The following FDX2 variants were observed in gnomAD, a reference collection of about 807,000 sequenced individuals.
The protein encoded by FDX2 is ferredoxin 2.
A neutral mutation model predicts 18.5 loss-of-function variants in FDX2; 13 were observed. The observed-to-expected ratio is 0.70, with a 90% confidence interval of 0.46 to 1.12. FDX2 has a LOEUF of 1.12. Among genes scored for constraint, FDX2 ranks in the 50% most tolerant of loss-of-function variants. The pLI is 0.00. For missense variants in FDX2, 238 were observed against 250.4 expected (o/e 0.95, Z 0.34); for synonymous variants, 132 against 106.2 (o/e 1.24, Z -1.49).
At chr19:10,312,167 GC>G (rs2040331229) in intron 3 of FDX2, among the ~76,000 whole-genome samples, 1 of 145,032 alleles carries the variant, frequency 6.9e-6, no homozygotes, top group African/African-American at 2.5e-5. Flanking sequence ...ACCGCACCTG[GC>G]CATATTTTTT....
At chr19:10,315,683 G>A (rs890904455) in intron 2 of FDX2, 22 bp downstream of exon 2, 7 of 1,545,636 alleles carry the variant, frequency 4.5e-6, no homozygotes, top group Non-Finnish European at 6.1e-6. Flanking sequence ...GAGGAATGGG[G>A]GACTTGGCCC....
At chr19:10,315,831 C>T (rs757229870) in intron 1 of FDX2, 21 bp downstream of exon 1, 13 of 1,597,436 alleles carry the variant, frequency 8.1e-6, no homozygotes, top group African/African-American at 1.3e-5. Context: ...TAACGCTGCC[C>T]GCCCCGGGCG....
intron 3 of FDX2, among the ~76,000 whole-genome samples, chr19:10,315,073 C>G (rs557732855): frequency 6.6e-6 from 1 of 152,048 alleles, no homozygotes; most frequent in African/African-American, 2.4e-5. Flanking sequence ...CCATTGCACT[C>G]CAGCCTGGGC....
rs1201005952 is a variant in FDX2, at chr19:10,310,375, C to A, written c.*111G>T. 3 of 1,416,656 alleles carry A rather than the reference C, an allele frequency of 2.1e-6. No homozygotes were observed. The highest frequency in any genetic ancestry group is 1.4e-5 in the African/African-American group (1 of 70,774). The allele number at this position is 1,416,656 out of a possible 1,614,324, so 87.8% of individuals were successfully genotyped here. On this transcript the variant is annotated 3_prime_UTR_variant, in exon 5 of 5. Transcript: ENST00000393708. The stretch of plus-strand genomic sequence containing the variant: ...GCAGGGGTGTTGTCCTTCACAGGGG[C>A]TTCCACGTCTCTCCCGGGCCTGTCC...
At chr19:10,313,809 C>A (rs1332793625) in intron 3 of FDX2, among the ~76,000 whole-genome samples, 34 of 147,154 alleles carry the variant, frequency 2.3e-4, no homozygotes, top group Non-Finnish European at 3.6e-4. Context: ...CTCAGCCTCC[C>A]GAGTAGCTGG....
At position 10,310,936 on chromosome 19, in the gene FDX2, G is replaced by A; in HGVS notation, c.321C>T (p.Ala107=). 1 of 1,609,952 alleles carries A rather than the reference G, an allele frequency of 6.2e-7. No homozygotes were observed. Among genetic ancestry groups the A allele is most frequent in the South Asian group, 1.1e-5 (1 of 90,690 alleles). Residue 107 remains alanine, a synonymous_variant, in exon 4 of 5, where the codon GCC becomes GCT. Coordinates refer to ENST00000393708, the MANE Select transcript of FDX2 (RefSeq NM_001031734.4). ...TGGAGCAGGCCAGGGAGGCTTCACA[G>A]GCCCCTAGGGGTGGGAAGTGAAGGG...
rs775045233 is a variant in FDX2 at position 10,315,995 on chromosome 19, A to G, written c.11T>C (p.Met4Thr). 9 of 1,602,354 alleles carry G rather than the reference A, an allele frequency of 5.6e-6. No individual in the cohort carries two copies. In the East Asian group the frequency reaches 1.6e-4, roughly 28 times the overall value. ...GCCTCCCCGGGCCATGGAGGCGGCC[A>G]TGACATGCATCACGTGACTCACCGA... The change falls in exon 1 of 5, where the codon ATG becomes ACG. Residue 4 changes from methionine (M) to threonine (T), a missense_variant. By Grantham distance (81) the Met-to-Thr change is moderately conservative (BLOSUM62 -1). Coordinates refer to ENST00000393708, the MANE Select transcript of FDX2 (RefSeq NM_001031734.4).
chr19:10,315,317 G>GTTTT (rs1491139221), intron 3 of FDX2, 69 bp downstream of exon 3: 1 of 212,902 alleles, frequency 4.7e-6, no homozygotes, highest in Non-Finnish European at 7.6e-6. Flanking sequence ...CCTAATTTGT[G>GTTTT]GGTTTTTTTT....
chr19:10,310,321 C>T lies in FDX2; in HGVS notation c.*165G>A. 1 of 1,025,994 alleles carries T rather than the reference C, an allele frequency of 9.7e-7. No individual in the cohort carries two copies. The highest frequency in any genetic ancestry group is 1.7e-5 in the South Asian group (1 of 60,588). The allele number at this position is 1,025,994 out of a possible 1,614,324, so 63.6% of individuals were successfully genotyped here. On this transcript the variant is annotated 3_prime_UTR_variant, in exon 5 of 5. Coordinates refer to ENST00000393708, the MANE Select transcript of FDX2 (RefSeq NM_001031734.4). ...ACCCCACTAGGGGCCCTGTCCCCAC[C>T]AGAGCCTGGACATGGGACTCTCTCC...
chr19:10,311,801 G>T (rs986471671), intron 3 of FDX2, among the ~76,000 whole-genome samples: 1 of 147,998 alleles, frequency 6.8e-6, no homozygotes, highest in African/African-American at 2.5e-5. Context: ...CCCGGCTCAA[G>T]CGATCCTCCC....
rs1436825686 is a variant in FDX2, at chr19:10,315,959, C to G, written c.47G>C (p.Arg16Thr). The change falls in exon 1 of 5, where the codon AGG (arginine) becomes ACG (threonine). Residue 16 changes from arginine (R) to threonine (T), a missense_variant. Arg to Thr is a moderately conservative substitution (Grantham distance 71). Transcript: ENST00000393708. ...GCCCCTGGCAGCCTGCAGTAGAACC[C>G]TGGCACTCACGCCTCCCCGGGCCAT... 1.2e-6 allele frequency: 2 copies of G among 1,610,944 alleles called. No individual in the cohort carries two copies. The highest frequency in any genetic ancestry group is 8.5e-7 in the Non-Finnish European group (1 of 1,179,246).
chr19:10,310,348 A>G lies in FDX2; in HGVS notation c.*138T>C. On this transcript the variant is annotated 3_prime_UTR_variant, in exon 5 of 5. Transcript: ENST00000393708. ...GAGCCTGGACATGGGACTCTCTCCCAAGCAGGGGTGTTGTCCTTCACAGGG... is the reference window on the plus strand; with the variant it reads ...GAGCCTGGACATGGGACTCTCTCCCGAGCAGGGGTGTTGTCCTTCACAGGG... 1 of 1,228,190 alleles carries G rather than the reference A, an allele frequency of 8.1e-7. No individual in the cohort carries two copies. Among genetic ancestry groups the G allele is most frequent in the East Asian group, 2.5e-5 (1 of 39,310 alleles). The allele number at this position is 1,228,190 out of a possible 1,614,324, so 76.1% of individuals were successfully genotyped here.
chr19:10,310,619 G>A lies in FDX2; in HGVS notation c.428C>T (p.Ala143Val), dbSNP rs1350643598. The A allele has an allele frequency of 1.2e-6, 2 of 1,612,348 alleles. No individual in the cohort carries two copies. The highest frequency in any genetic ancestry group is 1.3e-5 in the African/African-American group (1 of 74,748). ...CCGCGAGTTCTCCTGGAGGAGGGGG[G>A]CCATGTCTAGCATGTCGTCTTCCCT... The change falls in exon 5 of 5, where the codon GCC (alanine) becomes GTC (valine). Residue 143 changes from alanine to valine, a missense_variant. Coordinates refer to ENST00000393708, the MANE Select transcript of FDX2 (RefSeq NM_001031734.4).
intron 3 of FDX2, among the ~76,000 whole-genome samples, chr19:10,313,256 T>G (rs2040341784): frequency 6.6e-6 from 1 of 152,158 alleles, no homozygotes; most frequent in Non-Finnish European, 1.5e-5. Flanking sequence ...CCAACATATC[T>G]TCCCCTTTAA....
chr19:10,315,942 C>A lies in FDX2; in HGVS notation c.64G>T (p.Ala22Ser), dbSNP rs773058974. The A allele has an allele frequency of 6.2e-7, 1 of 1,609,512 alleles. No homozygotes were observed. Among genetic ancestry groups the A allele is most frequent in the South Asian group, 1.1e-5 (1 of 90,856 alleles). ...GGTCTGTTCCACCAGGTGCCCCTGG[C>A]AGCCTGCAGTAGAACCCTGGCACTC... The change falls in exon 1 of 5, where the codon GCC becomes TCC. Residue 22 changes from alanine to serine, a missense_variant. Ala to Ser is a moderately conservative substitution (Grantham distance 99). Transcript: ENST00000393708.
intron 3 of FDX2, 49 bp downstream of exon 3, chr19:10,315,337 T>TTTTTTTGACAAATGGA: frequency 9.4e-7 from 1 of 1,064,554 alleles, no homozygotes; most frequent in Non-Finnish European, 1.3e-6. Flanking sequence ...TTTTTTTTTT[T>TTTTTTTGACAAATGGA]TGGACAAATG....
chr19:10,312,198 T>G (rs997096876), intron 3 of FDX2, among the ~76,000 whole-genome samples: 7 of 114,818 alleles, frequency 6.1e-5, no homozygotes, highest in Non-Finnish European at 1.1e-4. Flanking sequence ...TTTTTTTTTG[T>G]AGAGACGAGG....
intron 3 of FDX2, 88 bp from the exon 4 acceptor site, chr19:10,311,028 T>C: frequency 3.3e-6 from 3 of 909,724 alleles, no homozygotes; most frequent in Non-Finnish European, 5.1e-6. Flanking sequence ...TAGACCTCTC[T>C]TCCACCACGT....
At position 10,315,747 on chromosome 19, in the gene FDX2, G is replaced by A; in HGVS notation, c.167C>T (p.Ala56Val). 2 of 1,580,120 alleles carry A rather than the reference G, an allele frequency of 1.3e-6. No homozygotes were observed. The highest frequency in any genetic ancestry group is 1.1e-5 in the South Asian group (1 of 87,318). The change falls in exon 2 of 5, where the codon GCT becomes GTT. Residue 56 changes from alanine to valine, a missense_variant. By Grantham distance (64) the Ala-to-Val change is moderately conservative. Transcript: ENST00000393708. ...CGGGCCGCCCGCGTCCTCCTCTCCAGCCGGGCGCGAGCCTGGAAAACACGG... is the reference window on the plus strand; with the variant it reads ...CGGGCCGCCCGCGTCCTCCTCTCCAACCGGGCGCGAGCCTGGAAAACACGG...
Sources: allele counts gnomAD v4.1 joint callset (sites outside exome capture counted in the v4.1 genomes callset), GRCh38; gene constraint gnomAD v4.1.1; transcripts MANE v1.5; gene names NCBI Gene and HGNC (gene_info 2026-07-23, HGNC 2026-07-21).